The following CTNNA2 variants were observed in gnomAD, a reference collection of about 807,000 sequenced individuals.
CTNNA2 encodes the protein catenin alpha-2.
CTNNA2 carries 42 observed loss-of-function variants against 101.0 expected under a neutral mutation model. That is an observed-to-expected ratio of 0.42 (90% CI 0.32 to 0.54). The LOEUF (loss-of-function observed/expected upper bound fraction) is 0.54. CTNNA2 is among the 20% of genes least tolerant of loss of function. The pLI is 0.14. For synonymous variants in CTNNA2, 450 were observed against 456.4 expected, an observed-to-expected ratio of 0.99 and a Z score of 0.18; for missense variants, 871 against 1,223.1, an observed-to-expected ratio of 0.71 and a Z score of 4.29.
At chr2:79,258,331 G>C (rs141863590) in intron 2 of CTNNA2, among the ~76,000 whole-genome samples, 2 of 152,110 alleles carry the variant, frequency 1.3e-5, no homozygotes, top group Admixed American at 1.3e-4. Flanking sequence ...GTATCCATGC[G>C]ACCTTGGGCA....
chr2:79,254,535 T>C lies in CTNNA2; in HGVS notation c.-406+56459T>C, dbSNP rs1674816893. On this transcript the variant is annotated intron_variant, in intron 2 of 21. Coordinates refer to the CTNNA2 transcript ENST00000466387. ...TTCGCCTTCTGCCATGAGTAAAATC[T>C]CCCCGAGGCTTCCCCAGAAGCAGAT... 5.3e-5 allele frequency among the ~76,000 whole-genome samples: 8 copies of C among 152,170 alleles called. No individual in the cohort carries two copies. The South Asian group carries it at 1.7e-3, about 31-fold the overall frequency.
At chr2:80,445,438 C>T (rs1024144969) in intron 9 of CTNNA2, among the ~76,000 whole-genome samples, 3 of 152,096 alleles carry the variant, frequency 2.0e-5, no homozygotes, top group Non-Finnish European at 4.4e-5. Flanking sequence ...ACCTTATTCC[C>T]TCAAAATGCT....
At chr2:79,848,131 G>T (rs1022255967) in intron 3 of CTNNA2, among the ~76,000 whole-genome samples, 1 of 152,060 alleles carries the variant, frequency 6.6e-6, no homozygotes, top group Non-Finnish European at 1.5e-5. Context: ...GGGGTTTATA[G>T]AAAAATTAAT....
At chr2:79,290,700 C>G (rs961350547) in intron 2 of CTNNA2, among the ~76,000 whole-genome samples, 2 of 152,140 alleles carry the variant, frequency 1.3e-5, no homozygotes, top group African/African-American at 4.8e-5. Flanking sequence ...TGGAGTTTGA[C>G]TGGGGAGTCC....
intron 4 of CTNNA2, among the ~76,000 whole-genome samples, chr2:79,445,019 G>T (rs982259247): frequency 1.3e-5 from 2 of 152,052 alleles, no homozygotes; most frequent in African/African-American, 4.8e-5. Flanking sequence ...CAATACTACT[G>T]GGGCAATCTA....
At chr2:80,441,354 AG>A (rs1456609147) in intron 9 of CTNNA2, among the ~76,000 whole-genome samples, 35 of 152,248 alleles carry the variant, frequency 2.3e-4, no homozygotes, top group African/African-American at 8.2e-4. Context: ...TTCATTTTTC[AG>A]GAAGGAGTAG....
At chr2:79,396,515 C>T (rs1678233002) in intron 4 of CTNNA2, among the ~76,000 whole-genome samples, 1 of 152,088 alleles carries the variant, frequency 6.6e-6, no homozygotes, top group South Asian at 2.1e-4. Context: ...CTTTTTGTTG[C>T]TCACTGAAGA....
At chr2:80,035,267 C>T (rs1008636890) in intron 7 of CTNNA2, among the ~76,000 whole-genome samples, 4 of 152,108 alleles carry the variant, frequency 2.6e-5, no homozygotes, top group African/African-American at 4.8e-5. Context: ...CTGTCTCCAC[C>T]GCTTACATCT....
At chr2:79,278,776 G>T (rs149353982) in intron 2 of CTNNA2, among the ~76,000 whole-genome samples, 4 of 152,208 alleles carry the variant, frequency 2.6e-5, no homozygotes, top group African/African-American at 4.8e-5. Flanking sequence ...GACTGACTGG[G>T]TTATCCAAGT....
At chr2:79,714,235 G>A (rs1406894658) in intron 2 of CTNNA2, among the ~76,000 whole-genome samples, 2 of 151,836 alleles carry the variant, frequency 1.3e-5, no homozygotes, top group African/African-American at 2.4e-5. Flanking sequence ...CCACAATGAC[G>A]GGCACATAAT....
At chr2:79,210,602 A>G (rs1388637891) in intron 2 of CTNNA2, among the ~76,000 whole-genome samples, 3 of 152,128 alleles carry the variant, frequency 2.0e-5, no homozygotes, top group South Asian at 2.1e-4. Context: ...TGTTGCATGC[A>G]TGGGAGGAGA....
intron 7 of CTNNA2, among the ~76,000 whole-genome samples, chr2:80,060,658 A>G (rs896168269): frequency 6.6e-5 from 10 of 151,962 alleles, no homozygotes; most frequent in African/African-American, 1.7e-4. Flanking sequence ...TTGTTCTTAC[A>G]GTTCTATTGA....
At chr2:80,044,889 A>T (rs1696413376) in intron 7 of CTNNA2, among the ~76,000 whole-genome samples, 2 of 152,116 alleles carry the variant, frequency 1.3e-5, no homozygotes, top group African/African-American at 4.8e-5. Context: ...TCATAAACTG[A>T]TCTAACCTCC....
At chr2:79,661,369 AAC>A (rs1445377574) in intron 2 of CTNNA2, among the ~76,000 whole-genome samples, 3 of 152,224 alleles carry the variant, frequency 2.0e-5, no homozygotes, top group Non-Finnish European at 4.4e-5. Flanking sequence ...TTCTAGTATA[AAC>A]ACAGTGATTA....
intron 3 of CTNNA2, among the ~76,000 whole-genome samples, chr2:79,773,249 G>C (rs528766753): frequency 6.6e-6 from 1 of 152,180 alleles, no homozygotes; most frequent in Non-Finnish European, 1.5e-5. Context: ...TGTCAATCAA[G>C]AAAAATGACG....
intron 1 of CTNNA2, among the ~76,000 whole-genome samples, chr2:79,543,044 G>A (rs1673516373): frequency 6.6e-6 from 1 of 152,074 alleles, no homozygotes; most frequent in Non-Finnish European, 1.5e-5. Context: ...TAAATGCTCT[G>A]TTTTTCTTCT....
intron 7 of CTNNA2, among the ~76,000 whole-genome samples, chr2:80,126,749 G>A (rs961586708): frequency 1.4e-4 from 21 of 150,286 alleles, no homozygotes; most frequent in African/African-American, 3.4e-4. Context: ...TTCTTTTCCC[G>A]TTTCCCTCAG....
At chr2:79,959,419 TG>T (rs2104524650) in intron 7 of CTNNA2, among the ~76,000 whole-genome samples, 1 of 152,352 alleles carries the variant, frequency 6.6e-6, no homozygotes, top group South Asian at 2.1e-4. Context: ...TTCTGTAGCC[TG>T]ATAATCCACA....
chr2:79,352,895 A>G (rs1677423127), intron 3 of CTNNA2, among the ~76,000 whole-genome samples: 1 of 152,172 alleles, frequency 6.6e-6, no homozygotes, highest in African/African-American at 2.4e-5. Context: ...AAAACTTACA[A>G]TCATGGCGAA....
Sources: allele counts gnomAD v4.1 joint callset (sites outside exome capture counted in the v4.1 genomes callset), GRCh38; gene constraint gnomAD v4.1.1; transcripts MANE v1.5; gene names NCBI Gene and HGNC (gene_info 2026-07-23, HGNC 2026-07-21).